Variants in GPATCH8 observed in about 807,000 individuals in gnomAD.
GPATCH8 encodes the protein G-patch domain containing 8.
Under a neutral mutation model 118.3 loss-of-function variants are expected in GPATCH8, and 18 were observed. The ratio of observed to expected loss-of-function variants is 0.15; its 90% CI spans 0.11 to 0.23. GPATCH8 has a LOEUF of 0.23. Ranked by LOEUF, GPATCH8 falls within the 10% of genes least tolerant of loss-of-function variation. The pLI is 1.00. For missense variants in GPATCH8, 1,631 were observed against 1,873.8 expected, an observed-to-expected ratio of 0.87 and a Z score of 2.39; for synonymous variants, 659 against 684.7, an observed-to-expected ratio of 0.96 and a Z score of 0.59.
At position 44,395,693 on chromosome 17, in the gene GPATCH8, T is replaced by C. The variant is rs1279115337; in HGVS notation, c.*1875A>G. ...GTCAAGAGTTGTGTTTGCCTGCCAC[T>C]TTCTTTTCATAAACTTTACTCTTTT... is the stretch of plus-strand genomic sequence containing the variant. On this transcript the variant is annotated 3_prime_UTR_variant, in exon 8 of 8. Coordinates refer to ENST00000591680, the MANE Select transcript of GPATCH8 (RefSeq NM_001002909.4). 8 of 454,046 alleles carry C rather than the reference T, an allele frequency of 1.8e-5. No homozygotes were observed. The highest frequency in any genetic ancestry group is 1.2e-4 in the South Asian group (8 of 64,484). 28.1% of individuals were successfully genotyped at this position (454,046 alleles called of 1,614,324 possible). A position where few individuals can be genotyped will look rare whatever the true frequency, so the allele number is the denominator to read the frequency against.
intron 3 of GPATCH8, among the ~76,000 whole-genome samples, chr17:44,455,440 C>T (rs1325862075): frequency 2.6e-5 from 4 of 151,122 alleles, no homozygotes; most frequent in Non-Finnish European, 4.4e-5. Flanking sequence ...GTAGAGGTTG[C>T]GGTGAGCCGA....
At chr17:44,491,710 T>C (rs1969262028) in intron 1 of GPATCH8, among the ~76,000 whole-genome samples, 1 of 151,862 alleles carries the variant, frequency 6.6e-6, no homozygotes, top group Non-Finnish European at 1.5e-5. Context: ...TTAAATTAAC[T>C]GAATGTGGTG....
At chr17:44,488,004 C>T (rs71372000) in intron 1 of GPATCH8, among the ~76,000 whole-genome samples, 3,777 of 129,652 alleles carry the variant, frequency 0.029, 91 homozygotes, top group Non-Finnish European at 0.041. Context: ...CTCACTGCAA[C>T]CTCCGCCTCC....
At chr17:44,461,128 G>T (rs2051530377) in intron 3 of GPATCH8, among the ~76,000 whole-genome samples, 1 of 152,166 alleles carries the variant, frequency 6.6e-6, no homozygotes, top group African/African-American at 2.4e-5. Context: ...ACTTAAAAAT[G>T]ATTAAGATGC....
intron 3 of GPATCH8, among the ~76,000 whole-genome samples, chr17:44,453,786 C>T (rs1421065485): frequency 6.6e-6 from 1 of 151,986 alleles, no homozygotes; most frequent in Non-Finnish European, 1.5e-5. Context: ...TCGACCTCAG[C>T]CTCCCAAAGT....
rs148305335 is a variant in GPATCH8 at position 44,405,755 on chromosome 17, C to T, written c.623+166G>A. Among the ~76,000 whole-genome samples the T allele has an allele frequency of 1.8e-4, 27 of 152,302 alleles. No individual in the cohort carries two copies. In the East Asian group the frequency reaches 2.9e-3, roughly 16 times the overall value. The stretch of plus-strand genomic sequence containing the variant: ...TCCTGACCTCGTGATCCGCCCGCCT[C>T]GGTCTCTCAAAGTGCTGGGATTATA... On this transcript the variant is annotated intron_variant, in intron 7 of 7. Transcript: ENST00000591680.
intron 3 of GPATCH8, among the ~76,000 whole-genome samples, chr17:44,450,668 T>C (rs1004057568): frequency 1.3e-5 from 2 of 152,246 alleles, no homozygotes; most frequent in African/African-American, 4.8e-5. Flanking sequence ...TGGTAAATTT[T>C]AAATGAACTT....
Position 44,448,543 on chromosome 17 carries a change from AGAAGAG to A in GPATCH8, c.194-12004_194-11999del, listed in dbSNP as rs1181303463. Among the ~76,000 whole-genome samples, 19 of 33,740 alleles carry A rather than the reference AGAAGAG, an allele frequency of 5.6e-4. 1 individual carries two copies. The highest frequency in any genetic ancestry group is 1.3e-3 in the Non-Finnish European group (13 of 10,060). 22.1% of individuals were successfully genotyped at this position (33,740 alleles called of 152,430 possible). On this transcript the variant is annotated intron_variant, in intron 3 of 7. Coordinates refer to ENST00000591680, the MANE Select transcript of GPATCH8 (RefSeq NM_001002909.4). ...GAAGGAGGAAGAAGAAGAAGGAAGA[AGAAGAG>A]GAAGAGGAAGAAGAAGAGGAAGAGG...
chr17:44,432,309 G>T (rs577636049), intron 5 of GPATCH8, among the ~76,000 whole-genome samples: 364 of 152,230 alleles, frequency 2.4e-3, no homozygotes, highest in African/African-American at 8.6e-3. Flanking sequence ...AGTATACGTA[G>T]ATGAAGGCAT....
chr17:44,480,861 A>G (rs1207769624), intron 1 of GPATCH8, among the ~76,000 whole-genome samples: 1 of 150,956 alleles, frequency 6.6e-6, no homozygotes, highest in Non-Finnish European at 1.5e-5. Context: ...ACAGAGTGAG[A>G]CTCCAGTCTC....
chr17:44,419,436 G>C (rs1402791425), intron 6 of GPATCH8, among the ~76,000 whole-genome samples: 1 of 152,154 alleles, frequency 6.6e-6, no homozygotes, highest in African/African-American at 2.4e-5. Context: ...CCTCCTGTTA[G>C]GGGTTATGTG....
At chr17:44,431,378 G>GAAAAA (rs776468380) in intron 5 of GPATCH8, among the ~76,000 whole-genome samples, 1 of 47,798 alleles carries the variant, frequency 2.1e-5, no homozygotes, top group Non-Finnish European at 4.4e-5. Context: ...TCTCAAAAAG[G>GAAAAA]AAAAAAAAAA....
chr17:44,431,400 A>AT lies in GPATCH8; in HGVS notation c.348+3664_348+3665insA, dbSNP rs1478310383. Reference sequence around the variant, plus strand: ...AAGGAAAAAAAAAAAAAAAAAAAAAAGGCGAAAAACACAAAAATCAGCATA... The same window carrying AT: ...AAGGAAAAAAAAAAAAAAAAAAAAAATGGCGAAAAACACAAAAATCAGCATA... On this transcript the variant is annotated intron_variant, in intron 5 of 7. Coordinates refer to ENST00000591680, the MANE Select transcript of GPATCH8 (RefSeq NM_001002909.4). Among the ~76,000 whole-genome samples, 20 of 148,994 alleles carry AT rather than the reference A, an allele frequency of 1.3e-4. 1 individual carries two copies. The East Asian group carries it at 3.2e-3, about 24-fold the overall frequency.
intron 5 of GPATCH8, among the ~76,000 whole-genome samples, chr17:44,430,563 AC>A (rs1218940481): frequency 1.3e-5 from 2 of 151,938 alleles, no homozygotes; most frequent in Admixed American, 1.3e-4. Flanking sequence ...AGAACAAAAA[AC>A]CCCCAGCTAA....
intron 5 of GPATCH8, among the ~76,000 whole-genome samples, chr17:44,426,674 C>A (rs146591458): frequency 4.3e-4 from 64 of 149,014 alleles, no homozygotes; most frequent in Non-Finnish European, 7.4e-4. Context: ...CTACACAGGA[C>A]AAGAAAGGGC....
intron 3 of GPATCH8, among the ~76,000 whole-genome samples, chr17:44,458,034 G>A (rs1270154249): frequency 2.6e-5 from 4 of 151,040 alleles, no homozygotes; most frequent in South Asian, 2.1e-4. Flanking sequence ...GCAGTGAGCC[G>A]AGATTGTGCC....
chr17:44,405,802 C>T, intron 7 of GPATCH8, 119 bp downstream of exon 7: 2 of 829,294 alleles, frequency 2.4e-6, no homozygotes, highest in South Asian at 1.6e-5. Context: ...CTGCGCCTGG[C>T]ACAAGGTTTT....
intron 6 of GPATCH8, among the ~76,000 whole-genome samples, chr17:44,410,563 A>G (rs2049392971): frequency 6.6e-6 from 1 of 152,246 alleles, no homozygotes; most frequent in Admixed American, 6.5e-5. Flanking sequence ...AATAAATTAG[A>G]TTATGTTATT....
chr17:44,399,404 A>T lies in GPATCH8; in HGVS notation c.2673T>A (p.Asp891Glu). 1 of 1,614,088 alleles carries T rather than the reference A, an allele frequency of 6.2e-7. No homozygotes were observed. The highest frequency in any genetic ancestry group is 8.5e-7 in the Non-Finnish European group (1 of 1,179,912). ...TGTCACTGTAGTCACTGTAGCTGTC[A>T]TCAGAGTAACTGCGCTGTCTACTAT... ...SCYSRQRSYS[D>E]DSYSDYSDRS... The change falls in exon 8 of 8, where the codon GAT (aspartate) becomes GAA (glutamate). Residue 891 changes from aspartate to glutamate, a missense_variant. Asp to Glu is a conservative substitution (Grantham distance 45, BLOSUM62 2). Around this residue, in one of 8 missense-constraint regions of GPATCH8, gnomAD observed 922 missense variants for 879.7 expected, o/e 1.05. Transcript: ENST00000591680.
Sources: allele counts gnomAD v4.1 joint callset (sites outside exome capture counted in the v4.1 genomes callset), GRCh38; gene constraint gnomAD v4.1.1; regional missense constraint gnomAD v4.1.1; transcripts MANE v1.5; gene names NCBI Gene and HGNC (gene_info 2026-07-23, HGNC 2026-07-21).